The following IPO13 variants were observed in gnomAD, a reference collection of about 807,000 sequenced individuals.
IPO13 encodes importin-13.
Under a neutral mutation model 115.5 loss-of-function variants are expected in IPO13, and 28 were observed. The observed-to-expected ratio is 0.24, with a 90% CI of 0.18 to 0.33. The LOEUF (loss-of-function observed/expected upper bound fraction) is 0.33, where lower values mean the gene tolerates loss of function less well. Among genes scored for constraint, IPO13 ranks in the 10% least tolerant of loss-of-function variants. IPO13 has a pLI of 1.00. For missense variants in IPO13, 785 were observed against 1,204.6 expected (o/e 0.65, Z 5.16); for synonymous variants, 414 against 478.9 (o/e 0.86, Z 1.77).
chr1:43,957,035 G>C (rs2085255662), intron 5 of IPO13, 59 bp downstream of exon 5: 1 of 1,588,158 alleles, frequency 6.3e-7, no homozygotes, highest in Admixed American at 1.7e-5. Flanking sequence ...AGGCAATGAG[G>C]GAAGGGGCCC....
At position 43,958,623 on chromosome 1, in the gene IPO13, G is replaced by C; in HGVS notation, c.1884+28G>C. 1.2e-6 allele frequency: 2 copies of C among 1,613,678 alleles called. No homozygotes were observed. The highest frequency in any genetic ancestry group is 1.7e-6 in the Non-Finnish European group (2 of 1,179,782). Reference sequence around the variant, plus strand: ...GAGTGAGCTCTGGGGGCCAGGGAGCGGTACTGAGATGCTGTGGCTGATGAG... The same window carrying C: ...GAGTGAGCTCTGGGGGCCAGGGAGCCGTACTGAGATGCTGTGGCTGATGAG... On this transcript the variant is annotated intron_variant, in intron 10 of 19. Transcript: ENST00000372343. The surrounding 1 kb of genome is among the most constrained non-coding windows in gnomAD (Gnocchi z 6.3).
rs1308664987 is a variant in IPO13 at position 43,956,080 on chromosome 1, C to A, written c.822-240C>A. Among the ~76,000 whole-genome samples, 2 of 151,906 alleles carry A rather than the reference C, an allele frequency of 1.3e-5. No individual in the cohort carries two copies. The highest frequency in any genetic ancestry group is 4.8e-5 in the African/African-American group (2 of 41,322). On this transcript the variant is annotated intron_variant, in intron 2 of 19. Coordinates refer to ENST00000372343, the MANE Select transcript of IPO13 (RefSeq NM_014652.4). This position sits in a 1 kb window ranked among gnomAD's most constrained non-coding sequence, Gnocchi z 4.7. ...AGTCCAACTGGAGAACACAATTCAA[C>A]CCATAATGCTGACCTTCTCATACGT...
chr1:43,947,341 C>T lies in IPO13; in HGVS notation c.-260C>T, dbSNP rs2085174047. The T allele has an allele frequency of 2.5e-6, 1 of 399,056 alleles. No individual in the cohort carries two copies. Among genetic ancestry groups the T allele is most frequent in the Admixed American group, 4.4e-5 (1 of 22,726 alleles). The allele number at this position is 399,056 out of a possible 1,614,324, so 24.7% of individuals were successfully genotyped here. ...GAGCTGTTACCTGCCACTAGGATCC[C>T]CGCCTGAGAGCTCCTCACTGACGGC... On this transcript the variant is annotated 5_prime_UTR_variant, in exon 1 of 20. Coordinates refer to ENST00000372343, the MANE Select transcript of IPO13 (RefSeq NM_014652.4).
rs1319097049 is a variant in IPO13, at chr1:43,966,366, A to G, written c.2398-209A>G. The stretch of plus-strand genomic sequence containing the variant: ...CTCACGTACACCTGCGTGTTCATGT[A>G]CACATACATGTACATAGCATCCCTT... On this transcript the variant is annotated intron_variant, in intron 15 of 19. Coordinates refer to ENST00000372343, the MANE Select transcript of IPO13 (RefSeq NM_014652.4). This position sits in a 1 kb window ranked among gnomAD's most constrained non-coding sequence, Gnocchi z 4.1. The G allele has an allele frequency of 3.9e-5, 24 of 611,716 alleles. No individual in the cohort carries two copies. In the East Asian group the frequency reaches 6.3e-4, roughly 16 times the overall value. 37.9% of individuals were successfully genotyped at this position (611,716 alleles called of 1,614,324 possible).
intron 5 of IPO13, 78 bp downstream of exon 5, chr1:43,957,054 G>C (rs1258560318): frequency 6.4e-7 from 1 of 1,570,758 alleles, no homozygotes; most frequent in Non-Finnish European, 8.6e-7. Context: ...CCAAGTCCAG[G>C]CTTTCTGAAT....
intron 7 of IPO13, among the ~76,000 whole-genome samples, chr1:43,957,755 C>T (rs568461145): frequency 6.6e-6 from 1 of 152,230 alleles, no homozygotes; most frequent in Non-Finnish European, 1.5e-5. Context: ...AGTTTACCGT[C>T]AGTGAAACAG....
In IPO13 at chr1:43,952,678, C is replaced by T. The variant is rs1415312375; in HGVS notation, c.821+2525C>T. On this transcript the variant is annotated intron_variant, in intron 2 of 19. Transcript: ENST00000372343. This position sits in a 1 kb window ranked among gnomAD's most constrained non-coding sequence, Gnocchi z 4.7. ...TATTTATATGTATATGATACACACA[C>T]ACACATAGATAATGTGCTTAATCAC... 6.6e-6 allele frequency among the ~76,000 whole-genome samples: 1 copy of T among 152,040 alleles called. No homozygotes were observed. Among genetic ancestry groups the T allele is most frequent in the East Asian group, 1.9e-4 (1 of 5,196 alleles).
rs936866169 is a variant in IPO13, at chr1:43,958,344, G to T, written c.1749+76G>T. 2.5e-6 allele frequency: 4 copies of T among 1,609,960 alleles called. No individual in the cohort carries two copies. Among genetic ancestry groups the T allele is most frequent in the Non-Finnish European group, 2.5e-6 (3 of 1,176,774 alleles). On this transcript the variant is annotated intron_variant, in intron 9 of 19. Transcript: ENST00000372343. This position sits in a 1 kb window ranked among gnomAD's most constrained non-coding sequence, Gnocchi z 6.3. ...CTTATCCCTGAAATCCTGTTTTTTGGCCTTCCCCTTCCTCTTATCCCTTAT... is the reference window on the plus strand; with the variant it reads ...CTTATCCCTGAAATCCTGTTTTTTGTCCTTCCCCTTCCTCTTATCCCTTAT...
At chr1:43,953,137 A>G (rs1416461129) in intron 2 of IPO13, 1 of 152,210 alleles carries the variant, frequency 6.6e-6, no homozygotes, top group East Asian at 1.9e-4. Context: ...GAGGTAACCC[A>G]CAGCCTCCTT....
chr1:43,951,419 G>A (rs2085208104), intron 2 of IPO13, among the ~76,000 whole-genome samples: 1 of 152,218 alleles, frequency 6.6e-6, no homozygotes, highest in Non-Finnish European at 1.5e-5. Context: ...CTGTGTAAGA[G>A]TTAGCCAGAT....
At chr1:43,965,238 G>A (rs1178503374) in intron 15 of IPO13, among the ~76,000 whole-genome samples, 2 of 152,006 alleles carry the variant, frequency 1.3e-5, no homozygotes, top group Non-Finnish European at 2.9e-5. Context: ...GTGTGTTAGG[G>A]GATCCTAGCA....
Position 43,952,812 on chromosome 1 carries a change from A to G in IPO13, c.821+2659A>G, listed in dbSNP as rs1448987514. On this transcript the variant is annotated intron_variant, in intron 2 of 19. Transcript: ENST00000372343. The surrounding 1 kb of genome is among the most constrained non-coding windows in gnomAD (Gnocchi z 4.7). ...GTGAAGCTTTTAGCATGGTTCCTAT[A>G]TACTCTGTAAACGGCAGTTGCCAGT... 6.6e-6 allele frequency among the ~76,000 whole-genome samples: 1 copy of G among 152,228 alleles called. No homozygotes were observed. Among genetic ancestry groups the G allele is most frequent in the Non-Finnish European group, 1.5e-5 (1 of 68,038 alleles).
Position 43,949,822 on chromosome 1 carries a change from C to T in IPO13, c.490C>T (p.Leu164=). 6.2e-7 allele frequency: 1 copy of T among 1,613,890 alleles called. No homozygotes were observed. The highest frequency in any genetic ancestry group is 8.5e-7 in the Non-Finnish European group (1 of 1,179,982). The change falls in exon 2 of 20, where the codon CTA becomes TTA. Residue 164 remains leucine, a synonymous_variant. Transcript: ENST00000372343. The part of the protein sequence containing the change: ...DSPVDGQGRC[L]ALLELLTVLP... Reference sequence around the variant, plus strand: ...ACCAGTGGATGGGCAGGGCCGCTGCCTAGCCCTGTTAGAGCTGCTGACAGT... The same window carrying T: ...ACCAGTGGATGGGCAGGGCCGCTGCTTAGCCCTGTTAGAGCTGCTGACAGT...
chr1:43,949,027 G>A (rs1265211545), intron 1 of IPO13, among the ~76,000 whole-genome samples: 1 of 152,200 alleles, frequency 6.6e-6, no homozygotes, highest in African/African-American at 2.4e-5. Context: ...GCCTGGGAGG[G>A]TCAAGTCCCC....
At chr1:43,962,019 C>G (rs72890630) in intron 14 of IPO13, among the ~76,000 whole-genome samples, 2,195 of 152,226 alleles carry the variant, frequency 0.014, 62 homozygotes, top group African/African-American at 0.05. Flanking sequence ...CACTGCTCAG[C>G]TAGCCTCATG....
Position 43,966,874 on chromosome 1 carries a change from G to A in IPO13, c.2524-56G>A. On this transcript the variant is annotated intron_variant, in intron 17 of 19. Transcript: ENST00000372343. The surrounding 1 kb of genome is among the most constrained non-coding windows in gnomAD (Gnocchi z 4.1). ...AGTAGGGCTGGGGTGTACAGGTCTT[G>A]TCCTCAGGGAGAGCTGGGAAGGAGC... is the stretch of plus-strand genomic sequence containing the variant. The A allele has an allele frequency of 3.7e-6, 6 of 1,609,088 alleles. No homozygotes were observed. The highest frequency in any genetic ancestry group is 4.3e-6 in the Non-Finnish European group (5 of 1,175,794).
chr1:43,967,190 A>T lies in IPO13; in HGVS notation c.2614-125A>T. On this transcript the variant is annotated intron_variant, in intron 18 of 19. Coordinates refer to ENST00000372343, the MANE Select transcript of IPO13 (RefSeq NM_014652.4). This position sits in a 1 kb window ranked among gnomAD's most constrained non-coding sequence, Gnocchi z 6.1. Reference sequence around the variant, plus strand: ...TGCTGTGGGGATCAGCTGGCTCTCAAAAAGCAGCGCTCACTGTGATGTGCA... The same window carrying T: ...TGCTGTGGGGATCAGCTGGCTCTCATAAAGCAGCGCTCACTGTGATGTGCA... The T allele has an allele frequency of 8.5e-7, 1 of 1,179,650 alleles. No homozygotes were observed. The highest frequency in any genetic ancestry group is 1.2e-6 in the Non-Finnish European group (1 of 808,058). The allele number at this position is 1,179,650 out of a possible 1,614,324, so 73.1% of individuals were successfully genotyped here. A position where few individuals can be genotyped will look rare whatever the true frequency, so the allele number is the denominator to read the frequency against.
chr1:43,955,656 A>G (rs932500597), intron 2 of IPO13, among the ~76,000 whole-genome samples: 4 of 152,204 alleles, frequency 2.6e-5, no homozygotes, highest in African/African-American at 9.7e-5. Context: ...GACACCAGTC[A>G]TATTGGAGTT....
At position 43,966,590 on chromosome 1, in the gene IPO13, C is replaced by G. The variant is rs1168269217; in HGVS notation, c.2413C>G (p.Pro805Ala). The G allele has an allele frequency of 2.5e-6, 4 of 1,614,060 alleles. No individual in the cohort carries two copies. The highest frequency in any genetic ancestry group is 3.3e-5 in the Admixed American group (2 of 60,016). Residue 805 changes from proline to alanine, a missense_variant, in exon 16 of 20, where the codon CCA (proline) becomes GCA (alanine). By Grantham distance (27) the Pro-to-Ala change is conservative. Coordinates refer to ENST00000372343, the MANE Select transcript of IPO13 (RefSeq NM_014652.4). This position sits in a 1 kb window ranked among gnomAD's most constrained non-coding sequence, Gnocchi z 4.1. ...QLLAQALKRKPDLFLCERLDV... is the reference protein window; with the variant it reads ...QLLAQALKRKADLFLCERLDV... ...CCTCCTGCAGGCTCTGAAGCGGAAG[C>G]CAGATTTGTTCCTGTGTGAACGATT...
Sources: gnomAD v4.1 joint callset for allele counts (sites outside exome capture counted in the v4.1 genomes callset) on GRCh38, gnomAD v4.1.1 for gene constraint, Gnocchi (gnomAD v3.1) non-coding constraint, MANE v1.5 for transcripts, NCBI Gene and HGNC (gene_info 2026-07-23, HGNC 2026-07-21) for gene names.